The following NIT1 variants were observed in gnomAD, a reference collection of about 807,000 sequenced individuals.
NIT1 encodes nitrilase 1, also known as deaminated glutathione amidase.
A neutral mutation model predicts 36.8 loss-of-function variants in NIT1; 30 were observed. That is an observed-to-expected ratio of 0.82 (90% CI 0.61 to 1.11). The LOEUF (loss-of-function observed/expected upper bound fraction) is 1.11, where lower values mean the gene tolerates loss of function less well. Among genes scored for constraint, NIT1 ranks in the 50% least tolerant of loss-of-function variants. The pLI is 0.00. For synonymous variants in NIT1, 151 were observed against 155.6 expected (o/e 0.97, Z 0.22); for missense variants, 438 against 410.6 (o/e 1.07, Z -0.58).
chr1:161,118,387 ACTTTCCC>A lies in NIT1; in HGVS notation c.2+212_2+218del, dbSNP rs1655060025. On this transcript the variant is annotated intron_variant, in intron 1 of 6. Coordinates refer to ENST00000368009, the MANE Select transcript of NIT1 (RefSeq NM_005600.3). ...AGGGGTGGGAGACGAGAGAGGGTGA[ACTTTCCC>A]CTGCGAGATTCTGGTGAAAGGGGAA... 2.0e-6 allele frequency: 3 copies of A among 1,528,882 alleles called. No individual in the cohort carries two copies. The African/African-American group carries it at 4.1e-5, about 21-fold the overall frequency. 94.7% of individuals were successfully genotyped at this position (1,528,882 alleles called of 1,614,324 possible). A position where few individuals can be genotyped will look rare whatever the true frequency, so the allele number is the denominator to read the frequency against.
rs751782007 is a variant in NIT1 at position 161,120,697 on chromosome 1, C to T, written c.916C>T (p.Arg306Ter). Residue 306 changes from arginine (R) to a stop codon, truncating the protein, a stop_gained, in exon 7 of 7, where the codon CGA (arginine) becomes TGA (stop). Transcript: ENST00000368009. LOFTEE classifies it high-confidence loss of function. ...IDLNYLRQLR[R>*]HLPVFQHRRP... is the part of the protein sequence containing the mutation. ...CCTCAACTATCTGCGACAGTTGCGC[C>T]GACACCTGCCTGTGTTCCAGCACCG... 2.2e-5 allele frequency: 35 copies of T among 1,613,832 alleles called. No individual in the cohort carries two copies. Among genetic ancestry groups the T allele is most frequent in the African/African-American group, 5.3e-5 (4 of 74,928 alleles).
At chr1:161,123,897 A>G (rs772691525), downstream of NIT1, 60 of 1,614,006 alleles carry the variant, frequency 3.7e-5, no homozygotes, top group Middle Eastern at 3.3e-4. Context: ...TGGGGGTCAC[A>G]TAGCGAATTG....
At position 161,119,502 on chromosome 1, in the gene NIT1, C is replaced by T. The variant is rs756008243; in HGVS notation, c.354-7C>T. Reference sequence around the variant, plus strand: ...AGTGAAGAGTTGTCAGTGTCCCTTCCCCCCAGGGAATGTGGACTCTGGCTG... The same window carrying T: ...AGTGAAGAGTTGTCAGTGTCCCTTCTCCCCAGGGAATGTGGACTCTGGCTG... On this transcript the variant is annotated splice_polypyrimidine_tract_variant and splice_region_variant and intron_variant, in intron 3 of 6. Coordinates refer to ENST00000368009, the MANE Select transcript of NIT1 (RefSeq NM_005600.3). The T allele has an allele frequency of 2.8e-5, 45 of 1,613,474 alleles. 1 individual carries two copies. The South Asian group carries it at 4.7e-4, about 17-fold the overall frequency.
intron 3 of NIT1, 37 bp from the exon 4 acceptor site, chr1:161,119,472 A>T (rs370194915): frequency 9.3e-6 from 15 of 1,613,198 alleles, no homozygotes; most frequent in Non-Finnish European, 1.3e-5. Context: ...GAGCCTTGAG[A>T]AGTCAGTGAA....
chr1:161,118,454 C>G lies in NIT1; in HGVS notation c.2+276C>G. 3 of 1,536,068 alleles carry G rather than the reference C, an allele frequency of 2.0e-6. No individual in the cohort carries two copies. In the South Asian group the frequency reaches 3.6e-5, roughly 18 times the overall value. ...GAGTCAGTAAAGCTGCGCAAGTGCA[C>G]AGTCAAGGAGAGAGTCTTGGGAAAA... On this transcript the variant is annotated intron_variant, in intron 1 of 6. Transcript: ENST00000368009.
Position 161,120,106 on chromosome 1 carries a change from G to A in NIT1, c.592-1G>A. The A allele has an allele frequency of 6.2e-7, 1 of 1,614,116 alleles. No individual in the cohort carries two copies. The highest frequency in any genetic ancestry group is 8.5e-7 in the Non-Finnish European group (1 of 1,180,026). The stretch of plus-strand genomic sequence containing the variant: ...ACTAAGTAGGCTGTTTTTCATTCCA[G>A]ATTGGTCTAGCTGTCTGCTATGACA... On this transcript the variant is annotated splice_acceptor_variant, in intron 5 of 6. Coordinates refer to ENST00000368009, the MANE Select transcript of NIT1 (RefSeq NM_005600.3). LOFTEE classifies it high-confidence loss of function.
chr1:161,123,174 T>A (rs1272594122), downstream of NIT1: 1 of 1,614,066 alleles, frequency 6.2e-7, no homozygotes, highest in Non-Finnish European at 8.5e-7. Flanking sequence ...TTGCTACACA[T>A]CTGAGGACCC....
downstream of NIT1, among the ~76,000 whole-genome samples, chr1:161,123,463 C>G (rs1419574898): frequency 6.6e-6 from 1 of 151,964 alleles, no homozygotes; most frequent in Non-Finnish European, 1.5e-5. Flanking sequence ...CACGGTGAAA[C>G]CCCGTCTCTA....
chr1:161,122,444 G>T (rs1464314355), downstream of NIT1: 1 of 1,614,234 alleles, frequency 6.2e-7, no homozygotes, highest in African/African-American at 1.3e-5. The surrounding 1 kb of genome is among the most constrained non-coding windows in gnomAD (Gnocchi z 4.2). Flanking sequence ...GCTCAAGTGG[G>T]TCCTGCTTGT....
downstream of NIT1, chr1:161,124,128 A>G: frequency 6.2e-7 from 1 of 1,607,214 alleles, no homozygotes; most frequent in Admixed American, 1.7e-5. Flanking sequence ...AGCCCCTAAT[A>G]CTTCCTCACC....
chr1:161,120,848 G>A lies in NIT1; in HGVS notation c.*83G>A. 6.5e-7 allele frequency: 1 copy of A among 1,532,852 alleles called. No individual in the cohort carries two copies. Among genetic ancestry groups the A allele is most frequent in the Non-Finnish European group, 8.7e-7 (1 of 1,143,452 alleles). 95.0% of individuals were successfully genotyped at this position (1,532,852 alleles called of 1,614,324 possible). ...CTAGTGCTCATGTGACTTGGAGGCAGGATCCAGGCACAGCTCCCCTCACTT... is the reference window on the plus strand; with the variant it reads ...CTAGTGCTCATGTGACTTGGAGGCAAGATCCAGGCACAGCTCCCCTCACTT... On this transcript the variant is annotated 3_prime_UTR_variant, in exon 7 of 7. Coordinates refer to ENST00000368009, the MANE Select transcript of NIT1 (RefSeq NM_005600.3).
At chr1:161,124,011 C>T, downstream of NIT1, 1 of 1,589,990 alleles carries the variant, frequency 6.3e-7, no homozygotes, top group East Asian at 2.2e-5. Context: ...TCCAAACCCC[C>T]AGTGGGCCTC....
chr1:161,124,544 G>A, downstream of NIT1: 12 of 1,523,874 alleles, frequency 7.9e-6, no homozygotes, highest in African/African-American at 1.4e-5. Flanking sequence ...GGCAGGGAAA[G>A]AACCGATGAG....
rs1197147807 is a variant in NIT1, at chr1:161,120,233, G to GT, written c.717+2dup. ...CATTACAGGCCCAGCCCACTGGGAG[G>GT]TAAGATGATGCCTTTTTAAAACATA... On this transcript the variant is annotated splice_donor_variant, in intron 6 of 6. Transcript: ENST00000368009. LOFTEE classifies it high-confidence loss of function. 14 of 1,613,820 alleles carry GT rather than the reference G, an allele frequency of 8.7e-6. No homozygotes were observed. The highest frequency in any genetic ancestry group is 1.2e-5 in the Non-Finnish European group (14 of 1,179,988).
At chr1:161,124,208 C>T, downstream of NIT1, 1 of 1,614,216 alleles carries the variant, frequency 6.2e-7, no homozygotes, top group South Asian at 1.1e-5. Flanking sequence ...GCAGCTGCAG[C>T]ACCTGGCGAA....
chr1:161,123,816 AG>A (rs1557978726), downstream of NIT1: 1 of 1,586,494 alleles, frequency 6.3e-7, no homozygotes, highest in Non-Finnish European at 8.6e-7. Flanking sequence ...GATGGAAAGC[AG>A]GGGGAGTTAA....
chr1:161,122,733 A>G (rs892164512), downstream of NIT1, among the ~76,000 whole-genome samples: 9 of 152,240 alleles, frequency 5.9e-5, no homozygotes, highest in Non-Finnish European at 1.0e-4. The surrounding 1 kb of genome is among the most constrained non-coding windows in gnomAD (Gnocchi z 4.2). Context: ...TGCCGAGGTC[A>G]GCACTGTTCC....
At chr1:161,119,104 A>G (rs1200326552) in intron 2 of NIT1, 30 bp from the exon 3 acceptor site, 2 of 1,608,782 alleles carry the variant, frequency 1.2e-6, no homozygotes, top group Admixed American at 1.7e-5. Context: ...GTGCTATGAA[A>G]TCTGAGAATC....
rs776159854 is a variant in NIT1, at chr1:161,119,964, G to T, written c.591+12G>T. ...CACCAGCAGGCAAGGTAGGAGTTGT[G>T]AAAGGATGAGGGAGGGGAACAGGAA... On this transcript the variant is annotated intron_variant, in intron 5 of 6. Transcript: ENST00000368009. The T allele has an allele frequency of 1.9e-6, 3 of 1,605,846 alleles. No homozygotes were observed. In the African/African-American group the frequency reaches 4.0e-5, roughly 21 times the overall value.
Sources: allele counts gnomAD v4.1 joint callset (sites outside exome capture counted in the v4.1 genomes callset), GRCh38; gene constraint gnomAD v4.1.1; non-coding constraint Gnocchi (gnomAD v3.1); transcripts MANE v1.5; gene names NCBI Gene and HGNC (gene_info 2026-07-23, HGNC 2026-07-21).